The following FOXP2 variants were observed in gnomAD, a reference collection of about 807,000 sequenced individuals.
FOXP2 encodes the protein forkhead box protein P2.
Under a neutral mutation model 115.8 loss-of-function variants are expected in FOXP2, and 12 were observed. The ratio of observed to expected loss-of-function variants is 0.10; its 90% confidence interval spans 0.07 to 0.17. The LOEUF (loss-of-function observed/expected upper bound fraction) is 0.17. FOXP2 is among the 10% of genes least tolerant of loss of function. FOXP2 has a pLI of 1.00. For synonymous variants in FOXP2, 328 were observed against 297.7 expected, an observed-to-expected ratio of 1.10 and a Z score of -1.05; for missense variants, 629 against 843.5, an observed-to-expected ratio of 0.75 and a Z score of 3.15.
intron 16 of FOXP2, among the ~76,000 whole-genome samples, chr7:114,675,023 T>A (rs1234971719): frequency 6.6e-6 from 1 of 152,126 alleles, no homozygotes; most frequent in African/African-American, 2.4e-5. Context: ...TTCTGTGATA[T>A]GTTAAATAAA....
At chr7:114,645,643 T>C (rs1192281008) in intron 8 of FOXP2, 2 of 152,154 alleles carry the variant, frequency 1.3e-5, no homozygotes, top group Non-Finnish European at 2.9e-5. Flanking sequence ...GTGAGTGAAC[T>C]GTTTCATGCT....
At chr7:114,517,600 G>T (rs1166424791) in intron 2 of FOXP2, among the ~76,000 whole-genome samples, 1 of 152,014 alleles carries the variant, frequency 6.6e-6, no homozygotes, top group Non-Finnish European at 1.5e-5. Context: ...CCTTTTATGT[G>T]TTCTTAACAT....
intron 1 of FOXP2, among the ~76,000 whole-genome samples, chr7:114,176,226 CTTGT>C (rs1793290014): frequency 6.8e-6 from 1 of 147,106 alleles, no homozygotes; most frequent in African/African-American, 2.7e-5. Context: ...CTTGTCTTGT[CTTGT>C]CTTTTCTTTC....
chr7:114,511,855 T>C lies in FOXP2; in HGVS notation c.169-22762T>C, dbSNP rs568389024. Reference sequence around the variant, plus strand: ...GCTAAAATTGTATTCTGCATAATCATTTACTTTGTCCATGTTTTAATGTTT... The same window carrying C: ...GCTAAAATTGTATTCTGCATAATCACTTACTTTGTCCATGTTTTAATGTTT... On this transcript the variant is annotated intron_variant, in intron 2 of 16. Coordinates refer to ENST00000350908, the MANE Select transcript of FOXP2 (RefSeq NM_014491.4). 3.3e-5 allele frequency among the ~76,000 whole-genome samples: 5 copies of C among 152,234 alleles called. No individual in the cohort carries two copies. The South Asian group carries it at 1.0e-3, about 32-fold the overall frequency.
chr7:114,550,226 T>C (rs1307564459), intron 3 of FOXP2, among the ~76,000 whole-genome samples: 1 of 149,284 alleles, frequency 6.7e-6, no homozygotes, highest in African/African-American at 2.5e-5. Context: ...GACGCCATTC[T>C]CCTGCCTCAG....
intron 2 of FOXP2, among the ~76,000 whole-genome samples, chr7:114,337,440 A>T (rs115110607): frequency 6.6e-6 from 1 of 151,240 alleles, no homozygotes; most frequent in African/African-American, 2.4e-5. Context: ...TATTCTAATA[A>T]GACTTAAAAT....
At chr7:114,467,582 C>T (rs1795861195) in intron 2 of FOXP2, among the ~76,000 whole-genome samples, 2 of 152,132 alleles carry the variant, frequency 1.3e-5, no homozygotes, top group Admixed American at 1.3e-4. Flanking sequence ...CTTATACCTC[C>T]TTACTTCTTA....
At chr7:114,250,043 G>T (rs1562836014) in intron 1 of FOXP2, among the ~76,000 whole-genome samples, 1 of 148,978 alleles carries the variant, frequency 6.7e-6, no homozygotes, top group Non-Finnish European at 1.5e-5. Flanking sequence ...GTGAGAACAT[G>T]CAGTGTTTGG....
chr7:114,550,348 C>A (rs1242471929), intron 3 of FOXP2, among the ~76,000 whole-genome samples: 2 of 152,044 alleles, frequency 1.3e-5, no homozygotes, highest in East Asian at 3.9e-4. Flanking sequence ...GATCCCTTGA[C>A]CTCGTGATCC....
intron 3 of FOXP2, among the ~76,000 whole-genome samples, chr7:114,575,775 A>G (rs958420547): frequency 1.3e-5 from 2 of 151,954 alleles, no homozygotes; most frequent in African/African-American, 2.4e-5. Flanking sequence ...TCCTTCCTAT[A>G]TTATAAACAT....
At chr7:114,176,849 G>T (rs1368843160) in intron 1 of FOXP2, among the ~76,000 whole-genome samples, 1 of 152,102 alleles carries the variant, frequency 6.6e-6, no homozygotes, top group Non-Finnish European at 1.5e-5. Flanking sequence ...CTGCCTTTTA[G>T]TTACTATCTT....
intron 2 of FOXP2, among the ~76,000 whole-genome samples, chr7:114,510,371 GGT>G (rs1383753567): frequency 1.3e-5 from 2 of 152,032 alleles, no homozygotes; most frequent in Non-Finnish European, 2.9e-5. Flanking sequence ...GCATTTATTT[GGT>G]GTTTAAGGCA....
intron 2 of FOXP2, among the ~76,000 whole-genome samples, chr7:114,315,935 C>T (rs752589041): frequency 1.3e-5 from 2 of 152,188 alleles, no homozygotes; most frequent in Non-Finnish European, 1.5e-5. Context: ...ATATTTTCCC[C>T]ATAGGGCATA....
intron 2 of FOXP2, among the ~76,000 whole-genome samples, chr7:114,472,062 C>T (rs1796073981): frequency 6.6e-6 from 1 of 151,700 alleles, no homozygotes; most frequent in Non-Finnish European, 1.5e-5. Flanking sequence ...AACAGGTTTG[C>T]TAATTTGTGC....
intron 2 of FOXP2, among the ~76,000 whole-genome samples, chr7:114,466,340 G>A (rs1795797793): frequency 6.6e-6 from 1 of 152,198 alleles, no homozygotes; most frequent in Non-Finnish European, 1.5e-5. Context: ...CAGGTGAGTA[G>A]CTCCAAGGGA....
intron 1 of FOXP2, among the ~76,000 whole-genome samples, chr7:114,419,131 G>C (rs556553198): frequency 2.8e-4 from 43 of 151,782 alleles, no homozygotes; most frequent in Non-Finnish European, 4.9e-4. Context: ...AATTGTTATA[G>C]GTATATGTAT....
At chr7:114,215,168 A>G (rs1055436452) in intron 1 of FOXP2, among the ~76,000 whole-genome samples, 2 of 152,112 alleles carry the variant, frequency 1.3e-5, no homozygotes, top group African/African-American at 4.8e-5. Flanking sequence ...GATACTTTTG[A>G]TATTTAATCT....
chr7:114,253,118 A>G (rs959981587), intron 1 of FOXP2, among the ~76,000 whole-genome samples: 1 of 152,148 alleles, frequency 6.6e-6, no homozygotes, highest in Non-Finnish European at 1.5e-5. Context: ...GAGTTTCTTA[A>G]TCCTGAGTTC....
At chr7:114,353,714 C>T (rs1791549758) in intron 2 of FOXP2, among the ~76,000 whole-genome samples, 1 of 152,072 alleles carries the variant, frequency 6.6e-6, no homozygotes, top group Non-Finnish European at 1.5e-5. Context: ...AACTGGATGT[C>T]TTTCTACTCC....
Sources: allele counts gnomAD v4.1 joint callset (sites outside exome capture counted in the v4.1 genomes callset), GRCh38; gene constraint gnomAD v4.1.1; transcripts MANE v1.5; gene names NCBI Gene and HGNC (gene_info 2026-07-23, HGNC 2026-07-21).